Variants in AAR2 observed in about 807,000 individuals in gnomAD.
AAR2 encodes the protein protein AAR2 homolog.
AAR2 carries 31 observed loss-of-function variants against 26.9 expected under a neutral mutation model. The observed-to-expected ratio is 1.15, with a 90% CI of 0.86 to 1.55. The LOEUF (loss-of-function observed/expected upper bound fraction) is 1.55, where lower values mean the gene tolerates loss of function less well. Among genes scored for constraint, AAR2 ranks in the 40% most tolerant of loss-of-function variants. The pLI, the probability that AAR2 is intolerant of heterozygous loss-of-function variation, is 0.00. For missense variants in AAR2, 430 were observed against 491.3 expected (o/e 0.88, Z 1.18); for synonymous variants, 188 against 196.1 (o/e 0.96, Z 0.34).
chr20:36,253,098 T>G, intron 3 of AAR2, among the ~76,000 whole-genome samples: 1 of 150,692 alleles, frequency 6.6e-6, no homozygotes, highest in Non-Finnish European at 1.5e-5. Flanking sequence ...CCTCTCTGTG[T>G]TCCCACTGCT....
chr20:36,239,922 G>T lies in AAR2; in HGVS notation c.54G>T (p.Gly18=). 1 of 1,611,882 alleles carries T rather than the reference G, an allele frequency of 6.2e-7. No individual in the cohort carries two copies. The highest frequency in any genetic ancestry group is 8.5e-7 in the Non-Finnish European group (1 of 1,178,242). Reference sequence around the variant, plus strand: ...TAGCCAAGCGCCTCTTCTTTGAAGGGGCCACTGTGGTCATCCTGAACATGC... The same window carrying T: ...TAGCCAAGCGCCTCTTCTTTGAAGGTGCCACTGTGGTCATCCTGAACATGC... The part of the protein sequence containing the change: ...PELAKRLFFE[G]ATVVILNMPK... Residue 18 remains glycine (G), a synonymous_variant, in exon 2 of 4, where the codon GGG becomes GGT. Transcript: ENST00000320849.
chr20:36,252,052 G>A (rs2064784296), intron 3 of AAR2, among the ~76,000 whole-genome samples: 1 of 152,240 alleles, frequency 6.6e-6, no homozygotes, highest in Non-Finnish European at 1.5e-5. Flanking sequence ...GCAAATCACT[G>A]TGATACAAGC....
chr20:36,253,294 A>G (rs1490690243), intron 3 of AAR2, among the ~76,000 whole-genome samples: 1 of 152,118 alleles, frequency 6.6e-6, no homozygotes, highest in Non-Finnish European at 1.5e-5. Context: ...CCTGAAAGCC[A>G]ACTGTGGCAT....
At chr20:36,255,461 C>A in intron 3 of AAR2, 117 bp from the exon 4 acceptor site, 1 of 1,205,188 alleles carries the variant, frequency 8.3e-7, no homozygotes, top group Non-Finnish European at 1.2e-6. Context: ...GGGCCTATGC[C>A]AGCAGCAGCT....
At position 36,240,434 on chromosome 20, in the gene AAR2, AAG is replaced by A; in HGVS notation, c.569_570del (p.Glu190GlyfsTer34). The A allele has an allele frequency of 6.2e-7, 1 of 1,614,222 alleles. No individual in the cohort carries two copies. The highest frequency in any genetic ancestry group is 8.5e-7 in the Non-Finnish European group (1 of 1,180,048). ...TGTGGCATTGAGTGCAAAAGCTACCAAGAGGGCCTGGCCCGGCTACCAGAGAT... is the reference window on the plus strand; with the variant it reads ...TGTGGCATTGAGTGCAAAAGCTACCAAGGGCCTGGCCCGGCTACCAGAGAT... On this transcript the variant is annotated frameshift_variant, in exon 2 of 4. Coordinates refer to ENST00000320849, the MANE Select transcript of AAR2 (RefSeq NM_001271874.2). LOFTEE classifies it high-confidence loss of function.
intron 3 of AAR2, among the ~76,000 whole-genome samples, chr20:36,249,528 T>C (rs542545463): frequency 2.4e-4 from 37 of 152,356 alleles, no homozygotes; most frequent in Admixed American, 2.3e-3. Flanking sequence ...ATTCTAAATG[T>C]GTGTTCATCT....
Position 36,255,815 on chromosome 20 carries a change from T to C in AAR2, c.*70T>C, listed in dbSNP as rs2064816600. ...TGCAGTCCTGGCCTCTCCATTTACT[T>C]CTTCCCATCCTGGGACCTGCCAGGG... On this transcript the variant is annotated 3_prime_UTR_variant, in exon 4 of 4. Transcript: ENST00000320849. 6.4e-7 allele frequency: 1 copy of C among 1,568,666 alleles called. No individual in the cohort carries two copies. Among genetic ancestry groups the C allele is most frequent in the East Asian group, 2.3e-5 (1 of 44,092 alleles).
chr20:36,242,215 A>T (rs1374579320), intron 2 of AAR2, among the ~76,000 whole-genome samples: 1 of 147,634 alleles, frequency 6.8e-6, no homozygotes, highest in Non-Finnish European at 1.5e-5. Context: ...TCAGTCACAC[A>T]ATCATGTCTT....
At chr20:36,254,646 A>G (rs1334045733) in intron 3 of AAR2, among the ~76,000 whole-genome samples, 1 of 152,242 alleles carries the variant, frequency 6.6e-6, no homozygotes, top group African/African-American at 2.4e-5. Flanking sequence ...TCAACTGTAC[A>G]CTTAAAATGG....
chr20:36,240,412 G>C lies in AAR2; in HGVS notation c.544G>C (p.Gly182Arg). The change falls in exon 2 of 4, where the codon GGC becomes CGC. Residue 182 changes from glycine (G) to arginine (R), a missense_variant. Physicochemically the swap from Gly to Arg is moderately radical, Grantham distance 125. Coordinates refer to ENST00000320849, the MANE Select transcript of AAR2 (RefSeq NM_001271874.2). ...CGTGGGGCAGAATCTACCCCGCTGT[G>C]GCATTGAGTGCAAAAGCTACCAAGA... Reference protein sequence around the residue: ...DRVGQNLPRCGIECKSYQEGL... With the variant: ...DRVGQNLPRCRIECKSYQEGL... 6.2e-7 allele frequency: 1 copy of C among 1,614,224 alleles called. No homozygotes were observed. The highest frequency in any genetic ancestry group is 8.5e-7 in the Non-Finnish European group (1 of 1,180,044).
intron 3 of AAR2, among the ~76,000 whole-genome samples, chr20:36,248,250 A>G (rs1405027834): frequency 6.6e-6 from 1 of 151,390 alleles, no homozygotes; most frequent in Non-Finnish European, 1.5e-5. Context: ...TGAAACTAAT[A>G]TATTGTCTGC....
intron 3 of AAR2, among the ~76,000 whole-genome samples, chr20:36,254,389 T>C (rs1033928352): frequency 6.6e-6 from 1 of 151,654 alleles, no homozygotes; most frequent in Non-Finnish European, 1.5e-5. Context: ...GTGCCTAGAG[T>C]AGTCAGATTC....
intron 3 of AAR2, among the ~76,000 whole-genome samples, chr20:36,246,920 C>T (rs1021208688): frequency 6.6e-6 from 1 of 152,238 alleles, no homozygotes; most frequent in African/African-American, 2.4e-5. Context: ...ATATAACATT[C>T]TACTGAAAGT....
rs541366981 is a variant in AAR2 at position 36,247,634 on chromosome 20, G to A, written c.987+2708G>A. The stretch of plus-strand genomic sequence containing the variant: ...TGTGATCTCAGCACTTTGGGAGGCC[G>A]AGGCTGGAGGATCACTTGAGGTCAG... On this transcript the variant is annotated intron_variant, in intron 3 of 3. Coordinates refer to ENST00000320849, the MANE Select transcript of AAR2 (RefSeq NM_001271874.2). Among the ~76,000 whole-genome samples the A allele has an allele frequency of 2.6e-5, 4 of 152,214 alleles. No homozygotes were observed. In the South Asian group the frequency reaches 6.2e-4, roughly 24 times the overall value.
At chr20:36,243,888 G>A (rs1410279548) in intron 2 of AAR2, among the ~76,000 whole-genome samples, 2 of 152,232 alleles carry the variant, frequency 1.3e-5, no homozygotes, top group South Asian at 4.1e-4. Context: ...TTTGGCTCCA[G>A]AGCCCATGCT....
At chr20:36,248,712 A>G (rs759152002) in intron 3 of AAR2, among the ~76,000 whole-genome samples, 8 of 152,100 alleles carry the variant, frequency 5.3e-5, no homozygotes, top group Non-Finnish European at 1.0e-4. Context: ...AGGTATAAAC[A>G]GTGGAGTCTG....
chr20:36,255,217 G>T (rs1569431567), intron 3 of AAR2, among the ~76,000 whole-genome samples: 2 of 152,206 alleles, frequency 1.3e-5, no homozygotes, highest in African/African-American at 4.8e-5. Context: ...TGGGATCCAG[G>T]GGCTTATAAG....
intron 3 of AAR2, among the ~76,000 whole-genome samples, chr20:36,253,295 A>G (rs757520415): frequency 1.3e-5 from 2 of 152,116 alleles, no homozygotes; most frequent in African/African-American, 2.4e-5. Flanking sequence ...CTGAAAGCCA[A>G]CTGTGGCATG....
chr20:36,250,773 G>A (rs929297528), intron 3 of AAR2, among the ~76,000 whole-genome samples: 1 of 152,106 alleles, frequency 6.6e-6, no homozygotes, highest in Non-Finnish European at 1.5e-5. Context: ...AGCAAACACT[G>A]TGAACATGTA....
Sources: gnomAD v4.1 joint callset for allele counts (sites outside exome capture counted in the v4.1 genomes callset) on GRCh38, gnomAD v4.1.1 for gene constraint, MANE v1.5 for transcripts, NCBI Gene and HGNC (gene_info 2026-07-23, HGNC 2026-07-21) for gene names.